Variants in SLC24A3 observed in about 807,000 individuals in gnomAD.
The protein encoded by SLC24A3 is sodium/potassium/calcium exchanger 3.
In SLC24A3, 28 loss-of-function variants were observed where a neutral mutation model predicts 75.8. The ratio of observed to expected loss-of-function variants is 0.37; its 90% CI spans 0.27 to 0.51. The LOEUF (loss-of-function observed/expected upper bound fraction) is 0.51. Ranked by LOEUF, SLC24A3 falls within the 20% of genes least tolerant of loss-of-function variation. The pLI is 0.94. For synonymous variants in SLC24A3, 372 were observed against 334.1 expected, an observed-to-expected ratio of 1.11 and a Z score of -1.24; for missense variants, 663 against 847.8, an observed-to-expected ratio of 0.78 and a Z score of 2.71.
In SLC24A3 at chr20:19,247,180, C is replaced by T. The variant is rs924379962; in HGVS notation, c.143-33779C>T. ...CAGTCATGAATAGAAAAGTACATAG[C>T]GTTTAGAAAGCAGGGCCAATGACTC... On this transcript the variant is annotated intron_variant, in intron 1 of 16. Coordinates refer to ENST00000328041, the MANE Select transcript of SLC24A3 (RefSeq NM_020689.4). 5.9e-5 allele frequency among the ~76,000 whole-genome samples: 9 copies of T among 152,184 alleles called. No individual in the cohort carries two copies. In the South Asian group the frequency reaches 1.0e-3, roughly 18 times the overall value.
rs147337256 is a variant in SLC24A3 at position 19,587,305 on chromosome 20, G to C, written c.612+1761G>C. Among the ~76,000 whole-genome samples, 12 of 152,332 alleles carry C rather than the reference G, an allele frequency of 7.9e-5. No homozygotes were observed. In the East Asian group the frequency reaches 2.3e-3, roughly 29 times the overall value. On this transcript the variant is annotated intron_variant, in intron 6 of 16. Coordinates refer to ENST00000328041, the MANE Select transcript of SLC24A3 (RefSeq NM_020689.4). Reference sequence around the variant, plus strand: ...TAATTACTTATGAAATGGCTTGGATGCATGTGTGGCTCATCACTCATTAGT... The same window carrying C: ...TAATTACTTATGAAATGGCTTGGATCCATGTGTGGCTCATCACTCATTAGT...
chr20:19,684,631 G>A (rs1299125333), intron 11 of SLC24A3, among the ~76,000 whole-genome samples: 1 of 152,044 alleles, frequency 6.6e-6, no homozygotes, highest in Non-Finnish European at 1.5e-5. Context: ...CCCCTGATAT[G>A]AACTTGCACA....
At chr20:19,430,416 G>A (rs1219341323) in intron 2 of SLC24A3, among the ~76,000 whole-genome samples, 1 of 152,084 alleles carries the variant, frequency 6.6e-6, no homozygotes, top group Admixed American at 6.5e-5. Context: ...AGGGAAGTTG[G>A]GTGAGGAAGA....
intron 2 of SLC24A3, among the ~76,000 whole-genome samples, chr20:19,380,565 T>G (rs1264761443): frequency 6.6e-6 from 1 of 152,180 alleles, no homozygotes; most frequent in Non-Finnish European, 1.5e-5. Context: ...TTCTGCTGAT[T>G]TGTTTTCCTT....
rs545504190 is a variant in SLC24A3 at position 19,463,840 on chromosome 20, C to T, written c.272-51648C>T. Among the ~76,000 whole-genome samples, 8 of 152,310 alleles carry T rather than the reference C, an allele frequency of 5.3e-5. No individual in the cohort carries two copies. In the East Asian group the frequency reaches 1.4e-3, roughly 26 times the overall value. On this transcript the variant is annotated intron_variant, in intron 2 of 16. Coordinates refer to ENST00000328041, the MANE Select transcript of SLC24A3 (RefSeq NM_020689.4). ...CTGAGGCCTCTTGGGAAGGGTTCAG[C>T]GCAGGTTGCACTCTCCTTGTCACCT...
intron 2 of SLC24A3, among the ~76,000 whole-genome samples, chr20:19,430,278 C>T (rs895225461): frequency 2.6e-5 from 4 of 152,192 alleles, no homozygotes; most frequent in Admixed American, 6.5e-5. Flanking sequence ...TCACTGAAGA[C>T]AGACAAGGCT....
intron 2 of SLC24A3, among the ~76,000 whole-genome samples, chr20:19,347,842 C>T (rs537903208): frequency 1.1e-4 from 17 of 152,274 alleles, no homozygotes; most frequent in African/African-American, 4.1e-4. Context: ...AACTAAGCTT[C>T]GGACTTCACA....
chr20:19,607,869 G>A (rs1301482211), intron 6 of SLC24A3, among the ~76,000 whole-genome samples: 3 of 152,180 alleles, frequency 2.0e-5, no homozygotes, highest in African/African-American at 2.4e-5. Context: ...CCCTTTGCTG[G>A]TCACATCCCA....
chr20:19,223,697 C>T (rs1981792449), intron 1 of SLC24A3, among the ~76,000 whole-genome samples: 1 of 152,176 alleles, frequency 6.6e-6, no homozygotes, highest in South Asian at 2.1e-4. Flanking sequence ...AAAATATCTT[C>T]TTGTACTGTG....
chr20:19,597,171 C>T (rs933307946), intron 6 of SLC24A3, among the ~76,000 whole-genome samples: 3 of 128,886 alleles, frequency 2.3e-5, no homozygotes, highest in East Asian at 5.0e-4. Flanking sequence ...TTGCTTGAGC[C>T]TAGGAGTTCC....
At chr20:19,538,248 A>G (rs759239676) in intron 3 of SLC24A3, among the ~76,000 whole-genome samples, 1 of 152,140 alleles carries the variant, frequency 6.6e-6, no homozygotes, top group Admixed American at 6.5e-5. Flanking sequence ...TTGTGTAGAA[A>G]CATCAAAATT....
chr20:19,484,160 G>C (rs1439021818), intron 2 of SLC24A3, among the ~76,000 whole-genome samples: 1 of 152,124 alleles, frequency 6.6e-6, no homozygotes, highest in Non-Finnish European at 1.5e-5. Flanking sequence ...AGGACCAGAA[G>C]TATTTTGAAT....
intron 1 of SLC24A3, among the ~76,000 whole-genome samples, chr20:19,253,507 G>T (rs1055022202): frequency 6.6e-6 from 1 of 152,126 alleles, no homozygotes; most frequent in Non-Finnish European, 1.5e-5. Flanking sequence ...TTTGCTTCTC[G>T]GATTGTTTCC....
At chr20:19,619,469 G>A (rs544242063) in intron 6 of SLC24A3, among the ~76,000 whole-genome samples, 22 of 152,152 alleles carry the variant, frequency 1.4e-4, no homozygotes, top group African/African-American at 5.1e-4. Context: ...CACCCCAATC[G>A]ATGCCAACTA....
At chr20:19,716,237 C>T (rs925661034) in intron 15 of SLC24A3, among the ~76,000 whole-genome samples, 6 of 151,958 alleles carry the variant, frequency 3.9e-5, no homozygotes, top group Admixed American at 3.3e-4. Context: ...TTGGGGCAGC[C>T]GGCCTCATGA....
intron 6 of SLC24A3, among the ~76,000 whole-genome samples, chr20:19,644,588 CCACTTTAATTCTTCCTG>C (rs2032113340): frequency 6.6e-6 from 1 of 152,194 alleles, no homozygotes; most frequent in African/African-American, 2.4e-5. Flanking sequence ...ATATTGTGAG[CCACTTTAATTCTTCCTG>C]CAAAACTGTA....
At chr20:19,352,294 G>T (rs978879581) in intron 2 of SLC24A3, among the ~76,000 whole-genome samples, 2 of 152,144 alleles carry the variant, frequency 1.3e-5, no homozygotes, top group African/African-American at 4.8e-5. Flanking sequence ...CCCTATTGAT[G>T]AAGGGCAGTT....
chr20:19,322,385 T>C, intron 2 of SLC24A3, among the ~76,000 whole-genome samples: 1 of 149,340 alleles, frequency 6.7e-6, no homozygotes, highest in South Asian at 2.2e-4. Flanking sequence ...CTTCCTTCCT[T>C]CCTTCCTTCC....
chr20:19,292,617 G>A (rs568250287), intron 2 of SLC24A3, among the ~76,000 whole-genome samples: 15 of 152,248 alleles, frequency 9.9e-5, no homozygotes, highest in African/African-American at 3.1e-4. Flanking sequence ...TCTGTAGGCC[G>A]AGTATGCAGG....
Sources: gnomAD v4.1 joint callset for allele counts (sites outside exome capture counted in the v4.1 genomes callset) on GRCh38, gnomAD v4.1.1 for gene constraint, MANE v1.5 for transcripts, NCBI Gene and HGNC (gene_info 2026-07-23, HGNC 2026-07-21) for gene names.